Variants in SYDE2 observed in about 807,000 individuals in gnomAD.
The protein encoded by SYDE2 is rho GTPase-activating protein SYDE2.
Under a neutral mutation model 91.5 loss-of-function variants are expected in SYDE2, and 76 were observed. The observed-to-expected ratio is 0.83, with a 90% CI of 0.69 to 1.01. The LOEUF is 1.01. SYDE2 is among the 50% of genes least tolerant of loss of function. SYDE2 has a pLI of 0.00. For synonymous variants in SYDE2, 513 were observed against 506.4 expected (o/e 1.01, Z -0.18); for missense variants, 1,364 against 1,367.7 (o/e 1.00, Z 0.04).
chr1:85,161,967 C>A (rs1205603745), intron 6 of SYDE2, among the ~76,000 whole-genome samples: 2 of 152,070 alleles, frequency 1.3e-5, no homozygotes, highest in African/African-American at 4.8e-5. Context: ...TTCCCCCATC[C>A]CTTGCTGATC....
chr1:85,169,442 A>C (rs1402887937), intron 4 of SYDE2, among the ~76,000 whole-genome samples: 1 of 152,254 alleles, frequency 6.6e-6, no homozygotes, highest in Non-Finnish European at 1.5e-5. Context: ...AAAAATGTAC[A>C]CATAATTTTC....
intron 1 of SYDE2, among the ~76,000 whole-genome samples, chr1:85,197,277 TC>T (rs1245462026): frequency 3.9e-5 from 6 of 152,226 alleles, no homozygotes; most frequent in Admixed American, 3.9e-4. Context: ...TATCAAAAGT[TC>T]TTAGTAGGAG....
chr1:85,155,446 C>A (rs886604754), downstream of SYDE2, among the ~76,000 whole-genome samples: 5 of 151,770 alleles, frequency 3.3e-5, no homozygotes, highest in African/African-American at 9.7e-5. Context: ...TGAGACCAGT[C>A]CTGGCAACAT....
chr1:85,183,597 C>A (rs1415478352), intron 2 of SYDE2, among the ~76,000 whole-genome samples: 1 of 151,892 alleles, frequency 6.6e-6, no homozygotes, highest in Admixed American at 6.6e-5. Flanking sequence ...GTCCTAATGA[C>A]AAATAAGTAG....
chr1:85,180,576 C>G (rs1657875839), intron 3 of SYDE2, among the ~76,000 whole-genome samples: 2 of 151,760 alleles, frequency 1.3e-5, no homozygotes, highest in Non-Finnish European at 2.9e-5. Context: ...ACCTGTAATC[C>G]CAGCTAATTG....
intron 1 of SYDE2, 56 bp from the exon 2 acceptor site, chr1:85,190,808 A>G: frequency 7.0e-7 from 1 of 1,425,752 alleles, no homozygotes; most frequent in Non-Finnish European, 9.5e-7. Context: ...TCAGAAAGAC[A>G]TGTCACTTCA....
downstream of SYDE2, among the ~76,000 whole-genome samples, chr1:85,155,009 C>CAAAAAAAAAAAAAAAGAAA (rs1656844383): frequency 2.5e-5 from 2 of 80,674 alleles, no homozygotes; most frequent in Non-Finnish European, 4.6e-5. Flanking sequence ...AAGAATGCAG[C>CAAAAAAAAAAAAAAAGAAA]AAAAAAAAAA....
chr1:85,200,783 C>G lies in SYDE2; in HGVS notation c.214G>C (p.Gly72Arg). 1 of 1,513,922 alleles carries G rather than the reference C, an allele frequency of 6.6e-7. No homozygotes were observed. Among genetic ancestry groups the G allele is most frequent in the Non-Finnish European group, 8.8e-7 (1 of 1,137,054 alleles). 93.8% of individuals were successfully genotyped at this position (1,513,922 alleles called of 1,614,324 possible). Reference sequence around the variant, plus strand: ...CGCATCCGAGGAGTCCGCAGCTGGCCTCCCCGCGGCTCCCTCTGAGGCGAC... The same window carrying G: ...CGCATCCGAGGAGTCCGCAGCTGGCGTCCCCGCGGCTCCCTCTGAGGCGAC... ...PRSPQREPRG[G>R]QLRTPRMRPS... The change falls in exon 1 of 7, where the codon GGC becomes CGC. Residue 72 changes from glycine (G) to arginine (R), a missense_variant. Coordinates refer to ENST00000341460, the MANE Select transcript of SYDE2 (RefSeq NM_032184.2).
chr1:85,174,349 T>C (rs1239477303), intron 4 of SYDE2, among the ~76,000 whole-genome samples: 1 of 152,152 alleles, frequency 6.6e-6, no homozygotes, highest in Non-Finnish European at 1.5e-5. Flanking sequence ...TACAGCACAA[T>C]CTGTCCAAAA....
At chr1:85,163,467 AT>A (rs1410182616) in intron 6 of SYDE2, among the ~76,000 whole-genome samples, 6 of 141,806 alleles carry the variant, frequency 4.2e-5, no homozygotes, top group African/African-American at 1.5e-4. Flanking sequence ...ATATATATAT[AT>A]ATATATATAT....
downstream of SYDE2, among the ~76,000 whole-genome samples, chr1:85,154,598 G>C (rs1656836219): frequency 6.7e-6 from 1 of 150,082 alleles, no homozygotes; most frequent in African/African-American, 2.5e-5. Flanking sequence ...GAAAAAACAT[G>C]GAGTCATTTC....
chr1:85,178,323 A>G, intron 3 of SYDE2, 51 bp from the exon 4 acceptor site: 1 of 1,487,942 alleles, frequency 6.7e-7, no homozygotes, highest in Non-Finnish European at 9.1e-7. Flanking sequence ...AAGGGAAAAT[A>G]TAATTGCATT....
At position 85,183,009 on chromosome 1, in the gene SYDE2, C is replaced by CTAA; in HGVS notation, c.1632_1633insTTA (p.Ser544_Val545insLeu). ...TTTATATAATTCAATGTTCCCTTAA[C>CTAA]GCTTAGCTTTCGGCTAAATTCTGGC... On this transcript the variant is annotated inframe_insertion, in exon 3 of 7. Coordinates refer to ENST00000341460, the MANE Select transcript of SYDE2 (RefSeq NM_032184.2). 1 of 1,613,082 alleles carries CTAA rather than the reference C, an allele frequency of 6.2e-7. No homozygotes were observed. The highest frequency in any genetic ancestry group is 1.1e-5 in the South Asian group (1 of 90,830).
intron 5 of SYDE2, 34 bp downstream of exon 5, chr1:85,169,010 G>A: frequency 6.3e-7 from 1 of 1,593,938 alleles, no homozygotes; most frequent in Non-Finnish European, 8.6e-7. Context: ...TCATTAACTG[G>A]CTTTCAGGAA....
intron 1 of SYDE2, among the ~76,000 whole-genome samples, chr1:85,199,290 G>A (rs942745970): frequency 6.6e-6 from 1 of 152,084 alleles, no homozygotes; most frequent in Non-Finnish European, 1.5e-5. Context: ...ATATGTAAGA[G>A]TATTCAAAAG....
chr1:85,175,845 T>C (rs1467066469), intron 4 of SYDE2, among the ~76,000 whole-genome samples: 9 of 152,220 alleles, frequency 5.9e-5, no homozygotes, highest in South Asian at 2.1e-4. Flanking sequence ...AATCATTTCA[T>C]TGCCTTTTTA....
At chr1:85,163,481 A>ATATATATATAT (rs1657152403) in intron 6 of SYDE2, among the ~76,000 whole-genome samples, 149 of 138,046 alleles carry the variant, frequency 1.1e-3, no homozygotes, top group Non-Finnish European at 1.6e-3. Context: ...ATATATATAT[A>ATATATATATAT]ACAAAAGAGT....
chr1:85,189,326 T>A (rs1295915763), intron 2 of SYDE2, among the ~76,000 whole-genome samples: 1 of 152,196 alleles, frequency 6.6e-6, no homozygotes, highest in African/African-American at 2.4e-5. Context: ...CTTTTGCTCA[T>A]GAGGAAACTT....
At chr1:85,194,700 T>G in intron 1 of SYDE2, 1 of 453,358 alleles carries the variant, frequency 2.2e-6, no homozygotes, top group Non-Finnish European at 2.9e-6. Flanking sequence ...AGTTTTTCAC[T>G]CAGAAAAATA....
Sources: gnomAD v4.1 joint callset for allele counts (sites outside exome capture counted in the v4.1 genomes callset) on GRCh38, gnomAD v4.1.1 for gene constraint, MANE v1.5 for transcripts, NCBI Gene and HGNC (gene_info 2026-07-23, HGNC 2026-07-21) for gene names.